The following TSPAN1 variants were observed in gnomAD, a reference collection of about 807,000 sequenced individuals.
TSPAN1 encodes tetraspanin 1, also known as tetraspanin-1.
A neutral mutation model predicts 26.9 loss-of-function variants in TSPAN1; 23 were observed. The observed-to-expected ratio is 0.85, with a 90% CI of 0.62 to 1.21. TSPAN1 has a LOEUF of 1.21. Among genes scored for constraint, TSPAN1 ranks in the 50% most tolerant of loss-of-function variants. The pLI, the probability that TSPAN1 is intolerant of heterozygous loss-of-function variation, is 0.00. For missense variants in TSPAN1, 283 were observed against 298.4 expected, an observed-to-expected ratio of 0.95 and a Z score of 0.38; for synonymous variants, 115 against 114.8, an observed-to-expected ratio of 1.00 and a Z score of -0.01.
intron 1 of TSPAN1, among the ~76,000 whole-genome samples, chr1:46,179,507 C>G (rs1008701179): frequency 6.6e-6 from 1 of 152,142 alleles, no homozygotes; most frequent in African/African-American, 2.4e-5. Context: ...AAAACCAAGT[C>G]TAAGAAAAGT....
downstream of TSPAN1, chr1:46,188,543 C>A: frequency 8.6e-7 from 1 of 1,161,246 alleles, no homozygotes; most frequent in East Asian, 2.6e-5. Flanking sequence ...CTCAGGCATC[C>A]CCTGGTGGCC....
At chr1:46,190,539 G>T (rs772695022), downstream of TSPAN1, 2 of 1,592,404 alleles carry the variant, frequency 1.3e-6, no homozygotes, top group Non-Finnish European at 8.6e-7. Context: ...GGAGAAATGG[G>T]TCAGGGGAGT....
At chr1:46,181,272 T>C in intron 3 of TSPAN1, 108 bp downstream of exon 3, 1 of 1,102,252 alleles carries the variant, frequency 9.1e-7, no homozygotes, top group South Asian at 1.4e-5. Flanking sequence ...GGCTTCGTCC[T>C]GCATGTGTCC....
downstream of TSPAN1, chr1:46,189,184 A>G (rs980591079): frequency 2.6e-6 from 4 of 1,536,958 alleles, no homozygotes; most frequent in African/African-American, 5.6e-5. Context: ...CCCTACCAGC[A>G]TCTACAAAAT....
chr1:46,190,339 C>A, downstream of TSPAN1: 1 of 1,232,394 alleles, frequency 8.1e-7, no homozygotes, highest in Non-Finnish European at 1.2e-6. Context: ...CCACCGCGCC[C>A]GGCCTGAAGT....
At chr1:46,177,050 G>C (rs1388471000) in intron 1 of TSPAN1, among the ~76,000 whole-genome samples, 3 of 152,000 alleles carry the variant, frequency 2.0e-5, no homozygotes, top group Non-Finnish European at 1.5e-5. Flanking sequence ...AATATATATT[G>C]TTGGCCAGGC....
At chr1:46,191,925 C>T in the TSPAN1 span, 115 of 1,097,194 alleles carry the variant, frequency 1.0e-4, no homozygotes, top group Middle Eastern at 1.8e-3. Context: ...TGAGCCACCG[C>T]GCCCAGCCCT....
chr1:46,194,536 T>A, the TSPAN1 span: 1 of 1,613,956 alleles, frequency 6.2e-7, no homozygotes. Flanking sequence ...GCCCCATCCA[T>A]GCTCCACTAA....
Position 46,175,366 on chromosome 1 carries a change from G to C in TSPAN1, c.-185G>C, listed in dbSNP as rs572329925. The C allele has an allele frequency of 2.6e-6, 1 of 381,124 alleles. No individual in the cohort carries two copies. The highest frequency in any genetic ancestry group is 2.1e-5 in the African/African-American group (1 of 48,314). 23.6% of individuals were successfully genotyped at this position (381,124 alleles called of 1,614,324 possible). A position where few individuals can be genotyped will look rare whatever the true frequency, so the allele number is the denominator to read the frequency against. On this transcript the variant is annotated 5_prime_UTR_variant, in exon 1 of 9. Transcript: ENST00000372003. ...GCTGACCTTGTCCTGTCCTCCTGCT[G>C]TCTTAAACTATGATCCCTGCTGCGG... is the stretch of plus-strand genomic sequence containing the variant.
At chr1:46,185,455 C>T (rs749887907) in intron 8 of TSPAN1, 31 bp from the exon 9 acceptor site, 1 of 1,613,074 alleles carries the variant, frequency 6.2e-7, no homozygotes, top group Non-Finnish European at 8.5e-7. Context: ...CTATCATGTT[C>T]CCTCATCTCT....
At chr1:46,188,476 G>A (rs1657493916), downstream of TSPAN1, among the ~76,000 whole-genome samples, 1 of 152,192 alleles carries the variant, frequency 6.6e-6, no homozygotes, top group African/African-American at 2.4e-5. Context: ...CAAGTAGGGC[G>A]GGGCTAAAGT....
chr1:46,178,588 A>G (rs1282305702), intron 1 of TSPAN1, among the ~76,000 whole-genome samples: 1 of 151,852 alleles, frequency 6.6e-6, no homozygotes, highest in African/African-American at 2.4e-5. Context: ...GCTTCCACCA[A>G]CTTCTAGCAA....
At chr1:46,192,307 C>G in the TSPAN1 span, 5 of 1,614,154 alleles carry the variant, frequency 3.1e-6, no homozygotes, top group South Asian at 5.5e-5. Flanking sequence ...CTGACAGTTA[C>G]CTTTTCCGGT....
At chr1:46,176,839 A>T (rs1215560413) in intron 1 of TSPAN1, among the ~76,000 whole-genome samples, 1 of 152,236 alleles carries the variant, frequency 6.6e-6, no homozygotes. Context: ...CAGCTACTTT[A>T]CAAGGATATG....
downstream of TSPAN1, among the ~76,000 whole-genome samples, chr1:46,187,944 C>T (rs1188101708): frequency 6.6e-6 from 1 of 152,202 alleles, no homozygotes; most frequent in African/African-American, 2.4e-5. Context: ...CAGGCAGACC[C>T]TTTCTGAAGA....
Position 46,184,183 on chromosome 1 carries a change from C to T in TSPAN1, c.58-8C>T. 4 of 1,614,096 alleles carry T rather than the reference C, an allele frequency of 2.5e-6. No individual in the cohort carries two copies. Among genetic ancestry groups the T allele is most frequent in the Non-Finnish European group, 3.4e-6 (4 of 1,179,968 alleles). On this transcript the variant is annotated splice_region_variant and splice_polypyrimidine_tract_variant and intron_variant, in intron 3 of 8. Transcript: ENST00000372003. ...TGTTTAAGGCCTGCCTGACCTCTCT[C>T]TCCCCAGCTGTGTGGTGCAGCCCTG...
In TSPAN1 at chr1:46,185,102, A is replaced by C; in HGVS notation, c.581A>C (p.Asp194Ala). 6.2e-7 allele frequency: 1 copy of C among 1,614,172 alleles called. No individual in the cohort carries two copies. Among genetic ancestry groups the C allele is most frequent in the Admixed American group, 1.7e-5 (1 of 60,020 alleles). ...NETCTKQKAH[D>A]QKVEGCFNQL... ...ACCTGCACCAAGCAAAAGGCTCACGACCAAAAAGTAGAGGTGTGGGCTGGC... is the reference window on the plus strand; with the variant it reads ...ACCTGCACCAAGCAAAAGGCTCACGCCCAAAAAGTAGAGGTGTGGGCTGGC... The change falls in exon 7 of 9, where the codon GAC becomes GCC. Residue 194 changes from aspartate to alanine, a missense_variant. Physicochemically the swap from Asp to Ala is moderately radical, Grantham distance 126 (BLOSUM62 -2). Transcript: ENST00000372003.
the TSPAN1 span, chr1:46,193,668 A>G: frequency 6.2e-7 from 1 of 1,613,856 alleles, no homozygotes; most frequent in South Asian, 1.1e-5. Flanking sequence ...GGTTAGGGTC[A>G]CTTCATCACC....
chr1:46,196,092 A>G, the TSPAN1 span: 1 of 1,613,908 alleles, frequency 6.2e-7, no homozygotes, highest in South Asian at 1.1e-5. This position sits in a 1 kb window ranked among gnomAD's most constrained non-coding sequence, Gnocchi z 4.4. Context: ...ACAGTGGCAG[A>G]GACAAAGTCC....
Sources: allele counts gnomAD v4.1 joint callset (sites outside exome capture counted in the v4.1 genomes callset), GRCh38; gene constraint gnomAD v4.1.1; non-coding constraint Gnocchi (gnomAD v3.1); transcripts MANE v1.5; gene names NCBI Gene and HGNC (gene_info 2026-07-23, HGNC 2026-07-21).